MACROD2: variants seen among roughly 807,000 people sequenced by gnomAD.
MACROD2 encodes mono-ADP ribosylhydrolase 2.
A neutral mutation model predicts 70.4 loss-of-function variants in MACROD2; 36 were observed. The observed-to-expected ratio is 0.51, with a 90% CI of 0.39 to 0.68. The LOEUF is 0.68. MACROD2 is among the 30% of genes least tolerant of loss of function. The pLI, the probability that MACROD2 is intolerant of heterozygous loss-of-function variation, is 0.00. For missense variants in MACROD2, 496 were observed against 538.4 expected (o/e 0.92, Z 0.78); for synonymous variants, 172 against 178.8 (o/e 0.96, Z 0.30).
At chr20:15,721,424 A>C (rs2050785378) in intron 8 of MACROD2, among the ~76,000 whole-genome samples, 1 of 152,192 alleles carries the variant, frequency 6.6e-6, no homozygotes, top group Admixed American at 6.5e-5. Flanking sequence ...TTAAAGCTAT[A>C]GTTTCATCCT....
intron 5 of MACROD2, among the ~76,000 whole-genome samples, chr20:14,711,973 T>C (rs1469374531): frequency 6.6e-6 from 1 of 152,130 alleles, no homozygotes; most frequent in Non-Finnish European, 1.5e-5. Flanking sequence ...TATAGAACAC[T>C]CACTTTTTCA....
chr20:15,797,988 A>G (rs1278537212), intron 8 of MACROD2, among the ~76,000 whole-genome samples: 1 of 152,244 alleles, frequency 6.6e-6, no homozygotes, highest in East Asian at 1.9e-4. Context: ...TTTGGAAGTT[A>G]TACATTCTGC....
intron 3 of MACROD2, among the ~76,000 whole-genome samples, chr20:14,136,530 G>T (rs958119067): frequency 7.9e-5 from 12 of 152,030 alleles, no homozygotes; most frequent in African/African-American, 2.9e-4. Context: ...GTAAGGCAGC[G>T]GTTCTCCAAG....
intron 4 of MACROD2, among the ~76,000 whole-genome samples, chr20:14,508,496 C>T (rs1044016515): frequency 2.0e-5 from 3 of 152,150 alleles, no homozygotes; most frequent in African/African-American, 4.8e-5. Flanking sequence ...CCCATGACAG[C>T]GGCCAACAAT....
chr20:15,294,120 TAAA>T (rs10644931), intron 6 of MACROD2, among the ~76,000 whole-genome samples: 56 of 118,340 alleles, frequency 4.7e-4, no homozygotes, highest in South Asian at 4.6e-3. Flanking sequence ...AAACTCTGTC[TAAA>T]AAAAAAAAAA....
chr20:15,296,808 C>A lies in MACROD2; in HGVS notation c.540+66747C>A, dbSNP rs555938044. 8.5e-5 allele frequency among the ~76,000 whole-genome samples: 13 copies of A among 152,332 alleles called. No homozygotes were observed. The East Asian group carries it at 2.5e-3, about 29-fold the overall frequency. On this transcript the variant is annotated intron_variant, in intron 6 of 17. Transcript: ENST00000684519. Reference sequence around the variant, plus strand: ...CTTTGCAGCAAATAAATGGCAACTCCATAAGTGGATGTTAATGAAATTTTA... The same window carrying A: ...CTTTGCAGCAAATAAATGGCAACTCAATAAGTGGATGTTAATGAAATTTTA...
chr20:14,078,814 A>G (rs2053951439), intron 2 of MACROD2, among the ~76,000 whole-genome samples: 2 of 152,200 alleles, frequency 1.3e-5, no homozygotes, highest in Non-Finnish European at 2.9e-5. Context: ...TTTGTTTGAT[A>G]TATTAAATTA....
At chr20:15,674,264 C>A (rs943342840) in intron 8 of MACROD2, among the ~76,000 whole-genome samples, 2 of 151,938 alleles carry the variant, frequency 1.3e-5, no homozygotes, top group East Asian at 1.9e-4. Context: ...GAAGGGTTTG[C>A]GACTCAATTT....
chr20:14,706,312 T>TAA (rs11477206), intron 5 of MACROD2, among the ~76,000 whole-genome samples: 182 of 139,904 alleles, frequency 1.3e-3, no homozygotes, highest in African/African-American at 4.4e-3. Context: ...GATTCTATAT[T>TAA]AAAAAAAAAA....
At chr20:14,067,453 T>A (rs1216154817) in intron 2 of MACROD2, among the ~76,000 whole-genome samples, 1 of 152,168 alleles carries the variant, frequency 6.6e-6, no homozygotes, top group African/African-American at 2.4e-5. Context: ...GAACATTTAT[T>A]TCCTTTTTTA....
chr20:16,007,733 C>T (rs2066808373), intron 15 of MACROD2, among the ~76,000 whole-genome samples: 4 of 152,066 alleles, frequency 2.6e-5, no homozygotes, highest in Admixed American at 2.6e-4. Flanking sequence ...GAGCAAGGCC[C>T]TGACATTTAT....
intron 3 of MACROD2, among the ~76,000 whole-genome samples, chr20:14,306,779 G>T (rs2082524415): frequency 6.6e-6 from 1 of 152,080 alleles, no homozygotes; most frequent in Non-Finnish European, 1.5e-5. Context: ...AGTGTCCCCA[G>T]ATTGGTTGAC....
intron 3 of MACROD2, among the ~76,000 whole-genome samples, chr20:14,363,816 C>CAAAAAAAAA (rs569929488): frequency 4.3e-4 from 31 of 71,560 alleles, no homozygotes; most frequent in African/African-American, 1.2e-3. Flanking sequence ...GACTCTGTCT[C>CAAAAAAAAA]AAAAAAAAAA....
intron 2 of MACROD2, among the ~76,000 whole-genome samples, chr20:14,011,384 A>T (rs1436132826): frequency 1.3e-5 from 2 of 152,108 alleles, no homozygotes; most frequent in Non-Finnish European, 2.9e-5. Flanking sequence ...ATTTGCGTAA[A>T]ACAGCCTGTC....
chr20:14,097,900 C>T (rs921376300), intron 3 of MACROD2, among the ~76,000 whole-genome samples: 2 of 152,096 alleles, frequency 1.3e-5, no homozygotes, highest in African/African-American at 4.8e-5. Context: ...GTTAAACTGT[C>T]AGGAAGCAAA....
intron 2 of MACROD2, among the ~76,000 whole-genome samples, chr20:14,071,214 C>CT (rs1335789922): frequency 8.2e-6 from 1 of 121,566 alleles, no homozygotes; most frequent in Non-Finnish European, 1.7e-5. Flanking sequence ...AAAAGTTATG[C>CT]TTTTGAAATA....
chr20:15,904,425 G>GT (rs1259691290), intron 10 of MACROD2, among the ~76,000 whole-genome samples: 1 of 152,094 alleles, frequency 6.6e-6, no homozygotes, highest in Non-Finnish European at 1.5e-5. Flanking sequence ...GATAAACTGA[G>GT]TAAAAAGATT....
At chr20:16,008,241 C>T (rs935691196) in intron 15 of MACROD2, among the ~76,000 whole-genome samples, 5 of 152,168 alleles carry the variant, frequency 3.3e-5, no homozygotes, top group Admixed American at 6.5e-5. Context: ...TCTGGTTAGT[C>T]GTTTATCTCG....
chr20:14,215,122 A>C (rs1348267628), intron 3 of MACROD2, among the ~76,000 whole-genome samples: 2 of 148,278 alleles, frequency 1.3e-5, no homozygotes, highest in African/African-American at 5.0e-5. Context: ...CATCATATAT[A>C]TATTCCATCA....
Sources: allele counts gnomAD v4.1 joint callset (sites outside exome capture counted in the v4.1 genomes callset), GRCh38; gene constraint gnomAD v4.1.1; transcripts MANE v1.5; gene names NCBI Gene and HGNC (gene_info 2026-07-23, HGNC 2026-07-21).